The following ARHGEF18 variants were observed in gnomAD, a reference collection of about 807,000 sequenced individuals.
The protein encoded by ARHGEF18 is Rho/Rac guanine nucleotide exchange factor 18, also known as rho guanine nucleotide exchange factor 18.
In ARHGEF18, 93 loss-of-function variants were observed where a neutral mutation model predicts 155.7. The observed-to-expected ratio is 0.60, with a 90% CI of 0.50 to 0.71. The LOEUF is 0.71. Ranked by LOEUF, ARHGEF18 falls within the 30% of genes least tolerant of loss-of-function variation. The pLI is 0.00. For synonymous variants in ARHGEF18, 742 were observed against 753.1 expected, an observed-to-expected ratio of 0.99 and a Z score of 0.24; for missense variants, 1,593 against 1,816.1, an observed-to-expected ratio of 0.88 and a Z score of 2.23.
At position 7,440,097 on chromosome 19, in the gene ARHGEF18, G is replaced by A. The variant is rs1568335698; in HGVS notation, c.968-247G>A. On this transcript the variant is annotated intron_variant, in intron 10 of 28. Coordinates refer to ENST00000668164, the MANE Select transcript of ARHGEF18 (RefSeq NM_001367823.1). This position sits in a 1 kb window ranked among gnomAD's most constrained non-coding sequence, Gnocchi z 5.4. ...CGCGCCGGGTCCCGGAGCCCCGGGC[G>A]CGAACATGGGGAATGCGCACTCCAA... 1 of 1,550,450 alleles carries A rather than the reference G, an allele frequency of 6.4e-7. No homozygotes were observed.
At chr19:7,467,145 C>T in intron 25 of ARHGEF18, 27 bp downstream of exon 25, 3 of 1,584,934 alleles carry the variant, frequency 1.9e-6, no homozygotes, top group African/African-American at 1.3e-5. Flanking sequence ...GGGCCGGCCA[C>T]GCGTGCCCTT....
At position 7,367,855 on chromosome 19, in the gene ARHGEF18, T is replaced by C. The variant is rs372276877; in HGVS notation, c.15+4950T>C. Among the ~76,000 whole-genome samples the C allele has an allele frequency of 1.3e-3, 105 of 83,144 alleles. 1 individual carries two copies. The highest frequency in any genetic ancestry group is 7.1e-3 in the East Asian group (22 of 3,110). The allele number at this position is 83,144 out of a possible 152,430, so 54.5% of individuals were successfully genotyped here. A position where few individuals can be genotyped will look rare whatever the true frequency, so the allele number is the denominator to read the frequency against. ...CATATATATATTTTATATATATATA[T>C]ACACATATATATTTTTATATATATA... On this transcript the variant is annotated intron_variant, in intron 2 of 28. Transcript: ENST00000668164.
downstream of ARHGEF18, chr19:7,476,902 C>T (rs566505088): frequency 8.2e-5 from 30 of 364,188 alleles, no homozygotes; most frequent in East Asian, 1.2e-3. Flanking sequence ...TAATTGATTC[C>T]CGTTCCAGCT....
intron 23 of ARHGEF18, among the ~76,000 whole-genome samples, chr19:7,466,498 C>T (rs1976616137): frequency 1.4e-5 from 2 of 140,738 alleles, no homozygotes; most frequent in African/African-American, 5.4e-5. Context: ...GAGCAAGGCC[C>T]TGTCTCAAAA....
chr19:7,407,299 A>ACG (rs1972376251), intron 10 of ARHGEF18, among the ~76,000 whole-genome samples: 1 of 143,784 alleles, frequency 7.0e-6, no homozygotes, highest in African/African-American at 2.6e-5. Context: ...GGTGGCGGGC[A>ACG]CCTGTAATCC....
At chr19:7,453,397 A>G in intron 16 of ARHGEF18, 70 bp from the exon 17 acceptor site, 3 of 1,516,252 alleles carry the variant, frequency 2.0e-6, no homozygotes, top group South Asian at 1.3e-5. Context: ...ATGTCCATAC[A>G]TAGTGAGTGT....
Position 7,471,072 on chromosome 19 carries a change from T to C in ARHGEF18, c.*774T>C, listed in dbSNP as rs1364768179. ...TCTGCTTCCCAAGGGCAACCGTTGCTGTTCACACGCTCAGCCTGTCTGGGG... is the reference window on the plus strand; with the variant it reads ...TCTGCTTCCCAAGGGCAACCGTTGCCGTTCACACGCTCAGCCTGTCTGGGG... On this transcript the variant is annotated 3_prime_UTR_variant, in exon 29 of 29. Coordinates refer to ENST00000668164, the MANE Select transcript of ARHGEF18 (RefSeq NM_001367823.1). This position sits in a 1 kb window ranked among gnomAD's most constrained non-coding sequence, Gnocchi z 4.4. 7 of 352,020 alleles carry C rather than the reference T, an allele frequency of 2.0e-5. No individual in the cohort carries two copies. Among genetic ancestry groups the C allele is most frequent in the Non-Finnish European group, 3.6e-5 (7 of 196,990 alleles). 21.8% of individuals were successfully genotyped at this position (352,020 alleles called of 1,614,324 possible).
chr19:7,381,484 C>T (rs1231648562), intron 8 of ARHGEF18, among the ~76,000 whole-genome samples: 2 of 152,024 alleles, frequency 1.3e-5, no homozygotes, highest in Admixed American at 6.6e-5. Flanking sequence ...TCAAGACCAG[C>T]CTGGCCAACA....
rs1351744108 is a variant in ARHGEF18 at position 7,469,220 on chromosome 19, C to T, written c.3787+89C>T. 2.8e-6 allele frequency: 4 copies of T among 1,404,038 alleles called. No homozygotes were observed. The Admixed American group carries it at 1.0e-4, about 35-fold the overall frequency. 87.0% of individuals were successfully genotyped at this position (1,404,038 alleles called of 1,614,324 possible). On this transcript the variant is annotated intron_variant, in intron 27 of 28. Coordinates refer to ENST00000668164, the MANE Select transcript of ARHGEF18 (RefSeq NM_001367823.1). ...GCTGGGAGCCAGGAAATTCGGGACA[C>T]CTGTGCCATCCTCTGGAGAGGAAAA...
At chr19:7,466,121 C>A (rs1023488395) in intron 23 of ARHGEF18, among the ~76,000 whole-genome samples, 1 of 151,506 alleles carries the variant, frequency 6.6e-6, no homozygotes, top group Non-Finnish European at 1.5e-5. Context: ...TGGTGGCTCA[C>A]GCCTGTAATC....
intron 10 of ARHGEF18, among the ~76,000 whole-genome samples, chr19:7,434,858 G>A (rs6603059): frequency 0.4 from 60,238 of 151,932 alleles, 12,547 homozygotes; most frequent in East Asian, 0.6. Flanking sequence ...TACAACCCAG[G>A]GGCTTTTAGT....
intron 20 of ARHGEF18, among the ~76,000 whole-genome samples, chr19:7,461,514 C>T (rs1976258636): frequency 4.6e-5 from 7 of 152,070 alleles, no homozygotes; most frequent in Admixed American, 3.9e-4. Flanking sequence ...TGTGCCACTG[C>T]ACTCCAGCCT....
chr19:7,431,596 A>T (rs1237840280), intron 10 of ARHGEF18, among the ~76,000 whole-genome samples: 1 of 151,010 alleles, frequency 6.6e-6, no homozygotes, highest in Non-Finnish European at 1.5e-5. Flanking sequence ...CGGGTGGATC[A>T]CCTGAGGTCG....
intron 10 of ARHGEF18, among the ~76,000 whole-genome samples, chr19:7,392,406 A>C (rs1245249227): frequency 6.6e-6 from 1 of 151,840 alleles, no homozygotes; most frequent in African/African-American, 2.4e-5. Context: ...TAGCTATAGA[A>C]ATAAGGCTGA....
intron 15 of ARHGEF18, among the ~76,000 whole-genome samples, chr19:7,448,475 C>T (rs548684441): frequency 3.3e-5 from 5 of 152,284 alleles, no homozygotes; most frequent in Admixed American, 3.3e-4. Flanking sequence ...TCCTGGCTAA[C>T]ATGGTGAAAC....
intron 7 of ARHGEF18, 65 bp downstream of exon 7, chr19:7,379,231 G>C: frequency 8.2e-7 from 1 of 1,213,390 alleles, no homozygotes; most frequent in East Asian, 3.2e-5. Context: ...AAGCATGCAG[G>C]GGTGTGCACA....
intron 1 of ARHGEF18, among the ~76,000 whole-genome samples, chr19:7,358,858 T>C (rs1414391493): frequency 1.3e-5 from 2 of 152,114 alleles, no homozygotes; most frequent in Non-Finnish European, 2.9e-5. Context: ...AAGCCAGACA[T>C]ATAGAAAGTG....
chr19:7,434,973 G>A (rs1161025388), intron 10 of ARHGEF18, among the ~76,000 whole-genome samples: 2 of 152,296 alleles, frequency 1.3e-5, no homozygotes, highest in East Asian at 1.9e-4. Context: ...AGGCCAAGGC[G>A]GGCGGATCAC....
rs1390062447 is a variant in ARHGEF18 at position 7,462,338 on chromosome 19, A to T, written c.2635+4A>T. ...CTCAAGTCGGCCATGAGCGAGAGTA[A>T]GTTGGCTGCCCACACCTCAAGGGTG... On this transcript the variant is annotated splice_donor_region_variant and intron_variant, in intron 21 of 28. Coordinates refer to ENST00000668164, the MANE Select transcript of ARHGEF18 (RefSeq NM_001367823.1). This position sits in a 1 kb window ranked among gnomAD's most constrained non-coding sequence, Gnocchi z 4.4. The T allele has an allele frequency of 6.3e-7, 1 of 1,581,514 alleles. No homozygotes were observed. The highest frequency in any genetic ancestry group is 1.2e-5 in the South Asian group (1 of 84,802).
Sources: allele counts gnomAD v4.1 joint callset (sites outside exome capture counted in the v4.1 genomes callset), GRCh38; gene constraint gnomAD v4.1.1; non-coding constraint Gnocchi (gnomAD v3.1); transcripts MANE v1.5; gene names NCBI Gene and HGNC (gene_info 2026-07-23, HGNC 2026-07-21).